PM20D2: variants seen among roughly 807,000 people sequenced by gnomAD.
PM20D2 encodes the protein xaa-Arg dipeptidase.
PM20D2 carries 33 observed loss-of-function variants against 42.9 expected under a neutral mutation model. The observed-to-expected ratio is 0.77, with a 90% CI of 0.58 to 1.03. The LOEUF (loss-of-function observed/expected upper bound fraction) is 1.03. Among genes scored for constraint, PM20D2 ranks in the 50% least tolerant of loss-of-function variants. The pLI, the probability that PM20D2 is intolerant of heterozygous loss-of-function variation, is 0.00. For missense variants in PM20D2, 548 were observed against 557.0 expected, an observed-to-expected ratio of 0.98 and a Z score of 0.16; for synonymous variants, 250 against 228.2, an observed-to-expected ratio of 1.10 and a Z score of -0.86.
At chr6:89,107,215 C>T in the PM20D2 span, 1 of 1,613,870 alleles carries the variant, frequency 6.2e-7, no homozygotes, top group Admixed American at 1.7e-5. Flanking sequence ...TAAACGTCTA[C>T]TATAGGGCCA....
the PM20D2 span, among the ~76,000 whole-genome samples, chr6:89,111,270 T>C: frequency 2.0e-5 from 3 of 152,142 alleles, no homozygotes; most frequent in African/African-American, 7.2e-5. Context: ...CAGCACACCT[T>C]GTTTATTCTA....
At chr6:89,105,396 T>A in the PM20D2 span, 3 of 1,575,094 alleles carry the variant, frequency 1.9e-6, no homozygotes, top group Non-Finnish European at 2.6e-6. Flanking sequence ...TTCTGCTGAA[T>A]AAATAAAATC....
At chr6:89,130,822 T>C in the PM20D2 span, among the ~76,000 whole-genome samples, 7 of 114,240 alleles carry the variant, frequency 6.1e-5, no homozygotes, top group African/African-American at 2.6e-4. Context: ...TCTTCTTCTT[T>C]TTTTTTTTTT....
the PM20D2 span, chr6:89,105,300 C>T: frequency 2.3e-5 from 37 of 1,582,868 alleles, no homozygotes; most frequent in South Asian, 1.1e-4. Flanking sequence ...TAATTCGTTA[C>T]CTGAACACCA....
the PM20D2 span, among the ~76,000 whole-genome samples, chr6:89,101,693 G>A: frequency 2.9e-4 from 28 of 97,630 alleles, no homozygotes; most frequent in Admixed American, 9.9e-4. Flanking sequence ...GTGAGACTCT[G>A]TCTCAAAAAA....
chr6:89,111,996 CAT>C, the PM20D2 span, among the ~76,000 whole-genome samples: 1 of 152,124 alleles, frequency 6.6e-6, no homozygotes, highest in Non-Finnish European at 1.5e-5. Context: ...TGAAAAGAAA[CAT>C]AACACAAATT....
chr6:89,125,708 A>G, the PM20D2 span, among the ~76,000 whole-genome samples: 2 of 151,090 alleles, frequency 1.3e-5, no homozygotes, highest in East Asian at 3.9e-4. Flanking sequence ...TCTTGAGCCC[A>G]GTAGGCGGAC....
chr6:89,117,930 G>C, the PM20D2 span: 3 of 1,534,322 alleles, frequency 2.0e-6, no homozygotes, highest in South Asian at 3.6e-5. Flanking sequence ...GCGGCCGCTG[G>C]ACTCGCTCCG....
upstream of PM20D2, among the ~76,000 whole-genome samples, chr6:89,145,744 G>C (rs976225411): frequency 2.6e-5 from 4 of 152,192 alleles, no homozygotes; most frequent in African/African-American, 9.6e-5. Context: ...TCCGAGGACT[G>C]TGTTCCACTT....
chr6:89,109,253 A>G, the PM20D2 span, among the ~76,000 whole-genome samples: 1 of 152,114 alleles, frequency 6.6e-6, no homozygotes, highest in Non-Finnish European at 1.5e-5. Context: ...GTTATGTTTA[A>G]TTTTTTCAGG....
upstream of PM20D2, among the ~76,000 whole-genome samples, chr6:89,144,953 T>C (rs1360410624): frequency 1.3e-5 from 2 of 152,240 alleles, no homozygotes; most frequent in Non-Finnish European, 2.9e-5. Flanking sequence ...TATTAGCATA[T>C]AGAGTAGTAA....
chr6:89,145,831 A>T (rs1770511870), upstream of PM20D2, among the ~76,000 whole-genome samples: 1 of 152,240 alleles, frequency 6.6e-6, no homozygotes, highest in African/African-American at 2.4e-5. Context: ...ACGGAAAAGT[A>T]ATCGATAATC....
chr6:89,130,680 A>G, the PM20D2 span, among the ~76,000 whole-genome samples: 1 of 151,786 alleles, frequency 6.6e-6, no homozygotes, highest in South Asian at 2.1e-4. Flanking sequence ...GGCTGGTCTC[A>G]AACTCCTGAG....
At position 89,151,127 on chromosome 6, in the gene PM20D2, G is replaced by A. The variant is rs182768866; in HGVS notation, c.614+1714G>A. Among the ~76,000 whole-genome samples, 6 of 129,014 alleles carry A rather than the reference G, an allele frequency of 4.7e-5. No individual in the cohort carries two copies. In the East Asian group the frequency reaches 1.4e-3, roughly 31 times the overall value. 84.6% of individuals were successfully genotyped at this position (129,014 alleles called of 152,430 possible). The stretch of plus-strand genomic sequence containing the variant: ...GATCGTGCCATTGCACTCCAGCCTG[G>A]CCACCAGACAAGTGAAACTCCATCT... On this transcript the variant is annotated intron_variant, in intron 2 of 6. Coordinates refer to ENST00000275072, the MANE Select transcript of PM20D2 (RefSeq NM_001010853.3).
chr6:89,133,265 T>C, the PM20D2 span, among the ~76,000 whole-genome samples: 1 of 150,962 alleles, frequency 6.6e-6, no homozygotes, highest in African/African-American at 2.5e-5. Flanking sequence ...ATATAAAAAT[T>C]TAATAAAAGA....
chr6:89,099,415 C>CACATAT, the PM20D2 span, among the ~76,000 whole-genome samples: 1 of 140,430 alleles, frequency 7.1e-6, no homozygotes, highest in Non-Finnish European at 1.5e-5. Flanking sequence ...TATATATATA[C>CACATAT]ATATATATAT....
chr6:89,096,349 T>C, the PM20D2 span: 1 of 152,222 alleles, frequency 6.6e-6, no homozygotes, highest in Non-Finnish European at 1.5e-5. Context: ...GTAGTGGTAC[T>C]AGGTTGGCGC....
chr6:89,108,982 G>A, the PM20D2 span, among the ~76,000 whole-genome samples: 3 of 152,104 alleles, frequency 2.0e-5, no homozygotes, highest in African/African-American at 7.2e-5. Flanking sequence ...TAGTTTCTGA[G>A]GACAGTGACA....
the PM20D2 span, among the ~76,000 whole-genome samples, chr6:89,114,611 A>G: frequency 6.6e-6 from 1 of 152,178 alleles, no homozygotes; most frequent in Non-Finnish European, 1.5e-5. Context: ...GCTAAAAAAA[A>G]AAAAAAGTGA....
Sources: gnomAD v4.1 joint callset for allele counts (sites outside exome capture counted in the v4.1 genomes callset) on GRCh38, gnomAD v4.1.1 for gene constraint, MANE v1.5 for transcripts, NCBI Gene and HGNC (gene_info 2026-07-23, HGNC 2026-07-21) for gene names.